Variants in RASA2 observed in about 807,000 individuals in gnomAD.
RASA2 encodes the protein RAS p21 protein activator 2, also known as ras GTPase-activating protein 2.
RASA2 carries 155 observed loss-of-function variants against 118.2 expected under a neutral mutation model. The ratio of observed to expected loss-of-function variants is 1.31; its 90% CI spans 1.15 to 1.50. The LOEUF (loss-of-function observed/expected upper bound fraction) is 1.50, where lower values mean the gene tolerates loss of function less well. Among genes scored for constraint, RASA2 ranks in the 40% most tolerant of loss-of-function variants. The probability of loss-of-function intolerance (pLI) is 0.00; values close to 1 mark genes in which losing one functional copy is unlikely to be tolerated. For synonymous variants in RASA2, 353 were observed against 349.1 expected, an observed-to-expected ratio of 1.01 and a Z score of -0.12; for missense variants, 1,016 against 1,009.6, an observed-to-expected ratio of 1.01 and a Z score of -0.09.
chr3:141,491,967 A>T (rs2081644784), intron 1 of RASA2, among the ~76,000 whole-genome samples: 1 of 152,230 alleles, frequency 6.6e-6, no homozygotes, highest in Non-Finnish European at 1.5e-5. Context: ...GGGTGTATTC[A>T]TGCTAAGAGT....
At chr3:141,600,404 A>G in intron 19 of RASA2, 1 of 467,410 alleles carries the variant, frequency 2.1e-6, no homozygotes, top group African/African-American at 2.0e-5. Flanking sequence ...GTTCAAGATG[A>G]GCCTCCAGGC....
chr3:141,496,610 A>G (rs564296054), intron 1 of RASA2, among the ~76,000 whole-genome samples: 3 of 152,364 alleles, frequency 2.0e-5, no homozygotes, highest in South Asian at 2.1e-4. Flanking sequence ...CAAAACCACA[A>G]TGAGATACTA....
chr3:141,546,156 C>T (rs1226832578), intron 5 of RASA2, among the ~76,000 whole-genome samples: 3 of 152,212 alleles, frequency 2.0e-5, no homozygotes, highest in African/African-American at 7.2e-5. Context: ...AATAGTGCCA[C>T]AGTAACCATG....
intron 19 of RASA2, among the ~76,000 whole-genome samples, chr3:141,598,980 C>T (rs556841354): frequency 1.8e-3 from 269 of 151,954 alleles, no homozygotes; most frequent in Non-Finnish European, 3.2e-3. Context: ...CCCAGTTACT[C>T]GGGAGGCTGA....
chr3:141,592,524 A>G, intron 19 of RASA2, among the ~76,000 whole-genome samples: 1 of 152,248 alleles, frequency 6.6e-6, no homozygotes, highest in South Asian at 2.1e-4. Flanking sequence ...TGTTTAACTT[A>G]TGTCTTAATA....
At position 141,512,161 on chromosome 3, in the gene RASA2, A is replaced by G. The variant is rs1271701151; in HGVS notation, c.134-2A>G. 2 of 1,597,004 alleles carry G rather than the reference A, an allele frequency of 1.3e-6. No homozygotes were observed. Among genetic ancestry groups the G allele is most frequent in the Non-Finnish European group, 8.6e-7 (1 of 1,167,172 alleles). ...TAACAATTTTAAATTTTATGCCAACAGGTGAAGCAAAAAATTTATTGCCAT... is the reference window on the plus strand; with the variant it reads ...TAACAATTTTAAATTTTATGCCAACGGGTGAAGCAAAAAATTTATTGCCAT... On this transcript the variant is annotated splice_acceptor_variant, in intron 1 of 23. Coordinates refer to ENST00000286364, the MANE Select transcript of RASA2 (RefSeq NM_006506.5). LOFTEE classifies it high-confidence loss of function.
At position 141,517,117 on chromosome 3, in the gene RASA2, GGTAA is replaced by G. The variant is rs529023985; in HGVS notation, c.355+690_355+693del. 1.2e-4 allele frequency among the ~76,000 whole-genome samples: 19 copies of G among 152,264 alleles called. No individual in the cohort carries two copies. In the South Asian group the frequency reaches 3.5e-3, roughly 28 times the overall value. On this transcript the variant is annotated intron_variant, in intron 3 of 23. Coordinates refer to ENST00000286364, the MANE Select transcript of RASA2 (RefSeq NM_006506.5). ...AGCACCTTACACTTAGTAAGTGTTG[GGTAA>G]GTATTTGTTTAGTGGTTCAAATAAT...
chr3:141,540,503 A>G (rs760777757), intron 4 of RASA2, 30 bp from the exon 5 acceptor site: 3 of 1,540,506 alleles, frequency 1.9e-6, no homozygotes, highest in East Asian at 2.3e-5. Context: ...AAAATAGACT[A>G]CTCAGTTTGT....
At chr3:141,534,592 GTT>G (rs34888832) in intron 4 of RASA2, among the ~76,000 whole-genome samples, 24 of 147,712 alleles carry the variant, frequency 1.6e-4, no homozygotes, top group Non-Finnish European at 2.3e-4. Flanking sequence ...TTTTATAGGT[GTT>G]TTTTTTTTTA....
At chr3:141,588,934 C>T (rs1003237350) in intron 19 of RASA2, among the ~76,000 whole-genome samples, 5 of 151,874 alleles carry the variant, frequency 3.3e-5, no homozygotes, top group African/African-American at 7.3e-5. Context: ...CTCTGCCTCC[C>T]GGATTCAAGC....
At chr3:141,534,695 G>T (rs1448337105) in intron 4 of RASA2, among the ~76,000 whole-genome samples, 1 of 151,656 alleles carries the variant, frequency 6.6e-6, no homozygotes, top group Non-Finnish European at 1.5e-5. Flanking sequence ...TTTAAAACAT[G>T]CCCTATTCAA....
chr3:141,593,474 G>A (rs1003136707), intron 19 of RASA2, among the ~76,000 whole-genome samples: 5 of 152,122 alleles, frequency 3.3e-5, no homozygotes, highest in Admixed American at 1.3e-4. Flanking sequence ...GGAGTTTAGG[G>A]CTACCAGAGA....
intron 1 of RASA2, among the ~76,000 whole-genome samples, chr3:141,511,382 A>G (rs975667373): frequency 6.6e-6 from 1 of 152,082 alleles, no homozygotes; most frequent in Non-Finnish European, 1.5e-5. Flanking sequence ...GAGAAGGAAG[A>G]GAAGGTGGTT....
chr3:141,538,197 G>T (rs1040946007), intron 4 of RASA2, among the ~76,000 whole-genome samples: 4 of 152,060 alleles, frequency 2.6e-5, no homozygotes, highest in Non-Finnish European at 4.4e-5. Context: ...GAACTTTTGT[G>T]TGAAAAGAGA....
rs73238080 is a variant in RASA2, at chr3:141,531,603, T to C, written c.450+1801T>C. Among the ~76,000 whole-genome samples the C allele has an allele frequency of 2.8e-3, 421 of 151,958 alleles. 1 individual carries two copies. The highest frequency in any genetic ancestry group is 4.7e-3 in the Non-Finnish European group (322 of 67,868). ...AGATATATATCTCATCTATGAAACA[T>C]GAAAATTGGGGAAGCAACAGTTACC... On this transcript the variant is annotated intron_variant, in intron 4 of 23. Transcript: ENST00000286364.
At chr3:141,519,110 A>G (rs529411755) in intron 3 of RASA2, among the ~76,000 whole-genome samples, 1 of 152,156 alleles carries the variant, frequency 6.6e-6, no homozygotes, top group Non-Finnish European at 1.5e-5. Context: ...TACTGAGTCA[A>G]GGGGTATGAA....
intron 2 of RASA2, 100 bp downstream of exon 2, chr3:141,512,380 A>G (rs1210238252): frequency 3.7e-6 from 3 of 818,318 alleles, no homozygotes; most frequent in East Asian, 6.3e-5. Context: ...AGACAGAAAC[A>G]GTGCTTGCTT....
chr3:141,576,939 T>C, intron 14 of RASA2, 61 bp from the exon 15 acceptor site: 1 of 1,142,414 alleles, frequency 8.8e-7, no homozygotes, highest in Non-Finnish European at 1.3e-6. Flanking sequence ...TATTTTTTAA[T>C]TTATCATCTT....
intron 5 of RASA2, among the ~76,000 whole-genome samples, chr3:141,542,059 C>T (rs568660676): frequency 2.4e-4 from 35 of 146,622 alleles, no homozygotes; most frequent in African/African-American, 8.4e-4. Flanking sequence ...TGTGCCCCTT[C>T]CCCCCAATTT....
Sources: gnomAD v4.1 joint callset for allele counts (sites outside exome capture counted in the v4.1 genomes callset) on GRCh38, gnomAD v4.1.1 for gene constraint, MANE v1.5 for transcripts, NCBI Gene and HGNC (gene_info 2026-07-23, HGNC 2026-07-21) for gene names.